The following WDR62 variants were observed in gnomAD, a reference collection of about 807,000 sequenced individuals.
The protein encoded by WDR62 is WD repeat domain 62.
In WDR62, 112 loss-of-function variants were observed where a neutral mutation model predicts 160.6. The ratio of observed to expected loss-of-function variants is 0.70; its 90% CI spans 0.60 to 0.82. WDR62 has a LOEUF of 0.82. Among genes scored for constraint, WDR62 ranks in the 40% least tolerant of loss-of-function variants. The probability of loss-of-function intolerance (pLI) is 0.00; values close to 1 mark genes in which losing one functional copy is unlikely to be tolerated. For synonymous variants in WDR62, 792 were observed against 815.1 expected (o/e 0.97, Z 0.48); for missense variants, 1,819 against 1,983.8 (o/e 0.92, Z 1.58).
At chr19:36,077,627 C>T (rs1387077620) in intron 9 of WDR62, among the ~76,000 whole-genome samples, 3 of 148,200 alleles carry the variant, frequency 2.0e-5, no homozygotes, top group African/African-American at 7.5e-5. Context: ...GATGGAGTCT[C>T]GCTTTGTCAC....
chr19:36,069,610 A>G (rs1011442363), intron 7 of WDR62, among the ~76,000 whole-genome samples: 36 of 152,362 alleles, frequency 2.4e-4, no homozygotes, highest in Non-Finnish European at 4.3e-4. Flanking sequence ...AGAGGCTGCA[A>G]TCTCGGCACT....
chr19:36,094,252 C>T, intron 20 of WDR62, 88 bp downstream of exon 20: 2 of 1,557,180 alleles, frequency 1.3e-6, no homozygotes, highest in Non-Finnish European at 1.8e-6. Flanking sequence ...GGGCCTGGCA[C>T]ATATTAAAAC....
chr19:36,059,108 G>A (rs1238331550), intron 2 of WDR62: 1 of 660,844 alleles, frequency 1.5e-6, no homozygotes. Flanking sequence ...GGAGGTGACA[G>A]CGATTCTGGG....
intron 11 of WDR62, among the ~76,000 whole-genome samples, chr19:36,084,201 A>G (rs1373079667): frequency 1.3e-5 from 2 of 152,140 alleles, no homozygotes; most frequent in Non-Finnish European, 2.9e-5. Flanking sequence ...TGACTCGATG[A>G]CTGATTTCAT....
rs1973545487 is a variant in WDR62 at position 36,103,717 on chromosome 19, C to T, written c.3889C>T (p.Leu1297=). 3 of 1,611,136 alleles carry T rather than the reference C, an allele frequency of 1.9e-6. No individual in the cohort carries two copies. Among genetic ancestry groups the T allele is most frequent in the Non-Finnish European group, 2.5e-6 (3 of 1,180,008 alleles). Residue 1297 remains leucine (L), a synonymous_variant, in exon 30 of 32, where the codon CTG becomes TTG. Transcript: ENST00000401500. ...SWGNHEARAN[L]RLTLSSACDG... is the part of the protein sequence containing the mutation. ...GGGCAACCACGAGGCCCGGGCCAAC[C>T]TGAGACTGACCCTGTCAAGTGCCTG... is the stretch of plus-strand genomic sequence containing the variant.
chr19:36,103,364 C>G lies in WDR62; in HGVS notation c.3536C>G (p.Ala1179Gly), dbSNP rs372642550. ...ACAGCTCCCTGCCTTACGAGCCTGG[C>G]GTCCTGTGTCCCTGCTTCCTCCGTG... ...RPPPPCLTSL[A>G]SCVPASSVLP... The change falls in exon 30 of 32, where the codon GCG (alanine) becomes GGG (glycine). Residue 1179 changes from alanine to glycine, a missense_variant. This residue lies in a region of WDR62 where 770 missense variants were observed against 734.2 expected (regional missense o/e 1.05). Transcript: ENST00000401500. 2 of 1,613,962 alleles carry G rather than the reference C, an allele frequency of 1.2e-6. No individual in the cohort carries two copies. The highest frequency in any genetic ancestry group is 2.2e-5 in the East Asian group (1 of 44,898).
intron 1 of WDR62, among the ~76,000 whole-genome samples, chr19:36,058,143 G>A (rs1970460732): frequency 6.6e-6 from 1 of 152,208 alleles, no homozygotes; most frequent in Non-Finnish European, 1.5e-5. Context: ...CCTGAGGTCA[G>A]GAGTTCGAGG....
Position 36,055,080 on chromosome 19 carries a change from G to T in WDR62, c.109G>T (p.Ala37Ser). The change falls in exon 1 of 32, where the codon GCC (alanine) becomes TCC (serine). Residue 37 changes from alanine (A) to serine (S), a missense_variant. Ala to Ser is a moderately conservative substitution (Grantham distance 99). Coordinates refer to ENST00000401500, the MANE Select transcript of WDR62 (RefSeq NM_001083961.2). ...GAGGGGCCAGTCCTCCCCGCCCCCC[G>T]CCCCACCAATCTGCCTACGGCGGCG... ...ARRGQSSPPPAPPICLRRRTR... is the reference protein window; with the variant it reads ...ARRGQSSPPPSPPICLRRRTR... 1 of 1,590,212 alleles carries T rather than the reference G, an allele frequency of 6.3e-7. No homozygotes were observed. The highest frequency in any genetic ancestry group is 2.3e-5 in the East Asian group (1 of 43,696).
chr19:36,082,323 C>A (rs1971946746), intron 10 of WDR62, among the ~76,000 whole-genome samples: 1 of 152,168 alleles, frequency 6.6e-6, no homozygotes, highest in Non-Finnish European at 1.5e-5. Flanking sequence ...ACATCCGGAG[C>A]AGCTTCCCGC....
rs1973658440 is a variant in WDR62 at position 36,104,921 on chromosome 19, TC to T, written c.4469del (p.Pro1490HisfsTer47). 1 of 1,609,724 alleles carries T rather than the reference TC, an allele frequency of 6.2e-7. No homozygotes were observed. Among genetic ancestry groups the T allele is most frequent in the Non-Finnish European group, 8.5e-7 (1 of 1,179,288 alleles). ...GGCTCTGCCCAGCCCAGGACCCCCG[TC>T]CCCACCGACGCTGTACCCCCTGGCC... is the stretch of plus-strand genomic sequence containing the variant. ...AQALPSPGPPSPPTLYPLASP... is the reference protein window; with the variant it reads ...AQALPSPGPPXPPTLYPLASP... On this transcript the variant is annotated frameshift_variant, in exon 32 of 32. Transcript: ENST00000401500. LOFTEE classifies it high-confidence loss of function.
At position 36,067,933 on chromosome 19, in the gene WDR62, A is replaced by G; in HGVS notation, c.805A>G (p.Thr269Ala). The G allele has an allele frequency of 6.2e-7, 1 of 1,614,126 alleles. No homozygotes were observed. Among genetic ancestry groups the G allele is most frequent in the Non-Finnish European group, 8.5e-7 (1 of 1,180,024 alleles). ...CGGTCGGGGCCGGATGGCGGGCAGT[A>G]CCTTCTGTGTGTCCTACTCGGGCCT... ...ACGRGRMAGS[T>A]FCVSYSGLLC... The change falls in exon 7 of 32, where the codon ACC (threonine) becomes GCC (alanine). Residue 269 changes from threonine (T) to alanine (A), a missense_variant. Around this residue, in one of 3 missense-constraint regions of WDR62, gnomAD observed 934 missense variants for 1,157.2 expected, o/e 0.81. Coordinates refer to ENST00000401500, the MANE Select transcript of WDR62 (RefSeq NM_001083961.2).
At chr19:36,099,271 G>T (rs113073842) in intron 21 of WDR62, 128 bp from the exon 22 acceptor site, 64 of 623,668 alleles carry the variant, frequency 1.0e-4, no homozygotes, top group East Asian at 1.3e-4. Flanking sequence ...CTGGAGATAT[G>T]TACCTGGAAG....
intron 9 of WDR62, among the ~76,000 whole-genome samples, chr19:36,076,274 T>G (rs7247053): frequency 7.9e-4 from 120 of 152,060 alleles, no homozygotes; most frequent in African/African-American, 2.3e-3. Context: ...TTTTTTTTTT[T>G]GGGCTGGGTG....
intron 12 of WDR62, among the ~76,000 whole-genome samples, chr19:36,085,979 G>A (rs1044265872): frequency 3.9e-5 from 6 of 151,998 alleles, no homozygotes; most frequent in Admixed American, 2.0e-4. Flanking sequence ...CACCATGCCC[G>A]GCTCCTCAAG....
At chr19:36,086,952 G>A in intron 13 of WDR62, 140 bp downstream of exon 13, 1 of 1,317,844 alleles carries the variant, frequency 7.6e-7, no homozygotes, top group Non-Finnish European at 1.0e-6. Flanking sequence ...TAATGACTGG[G>A]GCCGGGTGTA....
intron 1 of WDR62, among the ~76,000 whole-genome samples, chr19:36,056,704 T>C (rs1412619732): frequency 2.0e-5 from 3 of 152,170 alleles, no homozygotes; most frequent in Non-Finnish European, 4.4e-5. Flanking sequence ...TATAGCAAAG[T>C]GGCTAAGAGC....
In WDR62 at chr19:36,103,792, C is replaced by A. The variant is rs1408598352; in HGVS notation, c.3964C>A (p.Pro1322Thr). 6.2e-7 allele frequency: 1 copy of A among 1,609,654 alleles called. No homozygotes were observed. ...GGATACCCAGCCTGGCGTCACCGTC[C>A]CTGCAGTGAGCTTCCCAGCCCCTAG... ...PVDTQPGVTV[P>T]AVSFPAPSPV... The change falls in exon 30 of 32, where the codon CCT (proline) becomes ACT (threonine). Residue 1322 changes from proline to threonine, a missense_variant. Physicochemically the swap from Pro to Thr is conservative, Grantham distance 38. Transcript: ENST00000401500.
At chr19:36,068,291 A>G (rs766282232) in intron 7 of WDR62, among the ~76,000 whole-genome samples, 1 of 152,146 alleles carries the variant, frequency 6.6e-6, no homozygotes, top group Non-Finnish European at 1.5e-5. Flanking sequence ...TCCCATGACT[A>G]TTTGATCTAC....
At chr19:36,066,101 C>T (rs1435549829) in intron 4 of WDR62, 86 bp downstream of exon 4, 17 of 1,579,320 alleles carry the variant, frequency 1.1e-5, no homozygotes, top group Non-Finnish European at 1.5e-5. Flanking sequence ...CCTGGGAGTC[C>T]CTGGAATAGC....
Sources: allele counts gnomAD v4.1 joint callset (sites outside exome capture counted in the v4.1 genomes callset), GRCh38; gene constraint gnomAD v4.1.1; regional missense constraint gnomAD v4.1.1; transcripts MANE v1.5; gene names NCBI Gene and HGNC (gene_info 2026-07-23, HGNC 2026-07-21).